Variants in CENPE observed in about 807,000 individuals in gnomAD.
CENPE encodes the protein centromere-associated protein E.
A neutral mutation model predicts 336.1 loss-of-function variants in CENPE; 145 were observed. The observed-to-expected ratio is 0.43, with a 90% CI of 0.38 to 0.50. CENPE has a LOEUF of 0.50. Ranked by LOEUF, CENPE falls within the 20% of genes least tolerant of loss-of-function variation. CENPE has a pLI of 0.00. For synonymous variants in CENPE, 1,013 were observed against 984.8 expected, an observed-to-expected ratio of 1.03 and a Z score of -0.54; for missense variants, 2,719 against 3,023.3, an observed-to-expected ratio of 0.90 and a Z score of 2.36.
chr4:103,157,995 C>G (rs1004533033), intron 24 of CENPE, among the ~76,000 whole-genome samples: 2 of 151,838 alleles, frequency 1.3e-5, no homozygotes, highest in Non-Finnish European at 3.0e-5. Context: ...ATAAGGCAAT[C>G]CCCTCTGCAA....
At chr4:103,156,457 G>A (rs1753964142) in intron 24 of CENPE, among the ~76,000 whole-genome samples, 1 of 152,058 alleles carries the variant, frequency 6.6e-6, no homozygotes, top group African/African-American at 2.4e-5. Context: ...TCTTCAACAA[G>A]GATGCCAAGA....
intron 14 of CENPE, 39 bp from the exon 15 acceptor site, chr4:103,176,087 T>C (rs1399737725): frequency 1.6e-6 from 2 of 1,240,240 alleles, no homozygotes. Flanking sequence ...CATGAACATG[T>C]TTACCAAATT....
Position 103,174,845 on chromosome 4 carries a change from T to C in CENPE, c.1538A>G (p.Asp513Gly), listed in dbSNP as rs1297145522. ...TTTTTCTGTTCGTAGTTGTTCATAG[T>C]CTAATACCAGATTATCATAGTCAGC... Reference protein sequence around the residue: ...LRADYDNLVLDYEQLRTEKEE... With the variant: ...LRADYDNLVLGYEQLRTEKEE... The change falls in exon 16 of 49, where the codon GAC (aspartate) becomes GGC (glycine). Residue 513 changes from aspartate (D) to glycine (G), a missense_variant. By Grantham distance (94) the Asp-to-Gly change is moderately conservative. Transcript: ENST00000265148. 1 of 1,536,068 alleles carries C rather than the reference T, an allele frequency of 6.5e-7. No homozygotes were observed. The highest frequency in any genetic ancestry group is 2.4e-5 in the East Asian group (1 of 40,964).
At chr4:103,115,946 T>C (rs896182917) in intron 45 of CENPE, among the ~76,000 whole-genome samples, 2 of 152,016 alleles carry the variant, frequency 1.3e-5, no homozygotes, top group Non-Finnish European at 2.9e-5. Flanking sequence ...TTAGCCAGGA[T>C]GGTCTCTATC....
At chr4:103,176,420 T>C (rs1158346248) in intron 14 of CENPE, among the ~76,000 whole-genome samples, 1 of 152,184 alleles carries the variant, frequency 6.6e-6, no homozygotes, top group Non-Finnish European at 1.5e-5. Flanking sequence ...CTTTTAAGAT[T>C]AGCAAAGGCA....
intron 45 of CENPE, among the ~76,000 whole-genome samples, chr4:103,116,101 C>T (rs1214943876): frequency 1.3e-5 from 2 of 152,044 alleles, no homozygotes; most frequent in Non-Finnish European, 2.9e-5. Flanking sequence ...ATGTATAATG[C>T]TACCTATAAA....
intron 16 of CENPE, 126 bp from the exon 17 acceptor site, chr4:103,163,679 G>A: frequency 2.1e-6 from 1 of 475,652 alleles, no homozygotes; most frequent in Non-Finnish European, 3.7e-6. Flanking sequence ...CCAACAGTTA[G>A]AAAGGACTGA....
At chr4:103,177,484 AC>A (rs1049321300) in intron 13 of CENPE, among the ~76,000 whole-genome samples, 1 of 151,742 alleles carries the variant, frequency 6.6e-6, no homozygotes, top group Non-Finnish European at 1.5e-5. Flanking sequence ...TCTCTCGGCA[AC>A]CCTAGGGTTG....
At chr4:103,157,624 T>C (rs1384091684) in intron 24 of CENPE, among the ~76,000 whole-genome samples, 2 of 151,976 alleles carry the variant, frequency 1.3e-5, no homozygotes, top group Non-Finnish European at 2.9e-5. Context: ...AGTTTTGGTT[T>C]TGCAAGATGA....
chr4:103,117,645 T>TTA (rs1434428415), intron 44 of CENPE, among the ~76,000 whole-genome samples: 1 of 148,528 alleles, frequency 6.7e-6, no homozygotes, highest in East Asian at 2.0e-4. Context: ...TTTTTTTTTT[T>TTA]AAGACAGAGT....
rs748013688 is a variant in CENPE at position 103,143,389 on chromosome 4, C to T, written c.5163G>A (p.Glu1721=). The T allele has an allele frequency of 6.2e-7, 1 of 1,600,288 alleles. No individual in the cohort carries two copies. Among genetic ancestry groups the T allele is most frequent in the South Asian group, 1.1e-5 (1 of 90,012 alleles). ...GATGCATGTGAACAATTTTTAGCTC[C>T]TCTTGTTTTTCTAGGTCCTTTATCA... ...ETITRDLEKQ[E]ELKIVHMHLK... The change falls in exon 34 of 49, where the codon GAG becomes GAA. Residue 1721 remains glutamate, a synonymous_variant. Coordinates refer to ENST00000265148, the MANE Select transcript of CENPE (RefSeq NM_001813.3).
intron 25 of CENPE, among the ~76,000 whole-genome samples, chr4:103,152,213 C>T (rs982786327): frequency 3.3e-5 from 5 of 151,846 alleles, no homozygotes; most frequent in African/African-American, 1.2e-4. Flanking sequence ...TACAACATAC[C>T]TCTTTGAGAA....
chr4:103,187,796 C>T (rs1179856383), intron 8 of CENPE, among the ~76,000 whole-genome samples: 1 of 152,082 alleles, frequency 6.6e-6, no homozygotes, highest in Non-Finnish European at 1.5e-5. Context: ...TCACACATAA[C>T]AATATTAACT....
rs1752899735 is a variant in CENPE, at chr4:103,145,061, TTTC to T, written c.4843_4845del (p.Glu1615del). Reference sequence around the variant, plus strand: ...AGATGGGAACTTACTTTAGCTACAATTTCTTTAGTGTTTTCTTTCAGTTGGTCT... The same window carrying T: ...AGATGGGAACTTACTTTAGCTACAATTTTAGTGTTTTCTTTCAGTTGGTCT... On this transcript the variant is annotated inframe_deletion, in exon 32 of 49. Coordinates refer to ENST00000265148, the MANE Select transcript of CENPE (RefSeq NM_001813.3). 3 of 1,502,214 alleles carry T rather than the reference TTTC, an allele frequency of 2.0e-6. No homozygotes were observed. The highest frequency in any genetic ancestry group is 2.7e-6 in the Non-Finnish European group (3 of 1,128,788). 93.1% of individuals were successfully genotyped at this position (1,502,214 alleles called of 1,614,324 possible).
At position 103,136,373 on chromosome 4, in the gene CENPE, G is replaced by T; in HGVS notation, c.6304-14C>A. 6.5e-7 allele frequency: 1 copy of T among 1,544,758 alleles called. No homozygotes were observed. The highest frequency in any genetic ancestry group is 8.9e-7 in the Non-Finnish European group (1 of 1,126,512). The stretch of plus-strand genomic sequence containing the variant: ...CTTCAAAAGCTCCTAAAGGAAATGA[G>T]AATTCACTCAATTTATAACAATTCA... On this transcript the variant is annotated splice_polypyrimidine_tract_variant and intron_variant, in intron 39 of 48. Coordinates refer to ENST00000265148, the MANE Select transcript of CENPE (RefSeq NM_001813.3).
chr4:103,185,999 C>A, intron 8 of CENPE, 138 bp from the exon 9 acceptor site: 1 of 522,534 alleles, frequency 1.9e-6, no homozygotes, highest in Non-Finnish European at 3.4e-6. Flanking sequence ...ACTGTTTAGG[C>A]ATTCCCTTTT....
rs747629652 is a variant in CENPE, at chr4:103,158,962, AC to A, written c.2601+47del. 28 of 1,533,988 alleles carry A rather than the reference AC, an allele frequency of 1.8e-5. No individual in the cohort carries two copies. In the East Asian group the frequency reaches 6.1e-4, roughly 33 times the overall value. On this transcript the variant is annotated intron_variant, in intron 22 of 48. Transcript: ENST00000265148. Reference sequence around the variant, plus strand: ...GGCATACATATATACAGAAACCAAAACCCCAGAAGACTAAGGAGCATTTCTC... The same window carrying A: ...GGCATACATATATACAGAAACCAAAACCCAGAAGACTAAGGAGCATTTCTC...
At chr4:103,160,821 A>C in intron 20 of CENPE, 42 bp from the exon 21 acceptor site, 1 of 1,486,984 alleles carries the variant, frequency 6.7e-7, no homozygotes, top group Non-Finnish European at 9.1e-7. Flanking sequence ...CAATGTTGCC[A>C]AACAGGTAAT....
chr4:103,196,338 A>T, intron 2 of CENPE, 86 bp from the exon 3 acceptor site: 1 of 1,008,638 alleles, frequency 9.9e-7, no homozygotes, highest in Admixed American at 2.0e-5. Flanking sequence ...AATTATTCCC[A>T]AAAGTAAAAC....
Sources: allele counts gnomAD v4.1 joint callset (sites outside exome capture counted in the v4.1 genomes callset), GRCh38; gene constraint gnomAD v4.1.1; transcripts MANE v1.5; gene names NCBI Gene and HGNC (gene_info 2026-07-23, HGNC 2026-07-21).